LMNTD1: variants seen among roughly 807,000 people sequenced by gnomAD.
LMNTD1 encodes the protein lamin tail domain containing 1.
In LMNTD1, 35 loss-of-function variants were observed where a neutral mutation model predicts 50.9. The observed-to-expected ratio is 0.69, with a 90% confidence interval of 0.53 to 0.91. The LOEUF is 0.91. LMNTD1 is among the 40% of genes least tolerant of loss of function. The pLI, the probability that LMNTD1 is intolerant of heterozygous loss-of-function variation, is 0.00. For missense variants in LMNTD1, 470 were observed against 475.5 expected (o/e 0.99, Z 0.11); for synonymous variants, 153 against 161.9 (o/e 0.94, Z 0.42).
chr12:25,496,687 T>C (rs950302624), intron 9 of LMNTD1, among the ~76,000 whole-genome samples: 3 of 152,330 alleles, frequency 2.0e-5, no homozygotes, highest in Non-Finnish European at 4.4e-5. Context: ...TTTTCTTCCA[T>C]CTTGGAAATA....
intron 9 of LMNTD1, chr12:25,502,919 C>A (rs1246634680): frequency 2.0e-5 from 3 of 152,234 alleles, no homozygotes; most frequent in Non-Finnish European, 1.5e-5. Flanking sequence ...ACCCGGAGAG[C>A]CAGTAGGCTG....
chr12:25,618,010 C>A (rs1946384375), intron 1 of LMNTD1, among the ~76,000 whole-genome samples: 2 of 152,204 alleles, frequency 1.3e-5, no homozygotes, highest in Non-Finnish European at 2.9e-5. Flanking sequence ...GCTCACACAG[C>A]CAGTGTATGC....
intron 8 of LMNTD1, among the ~76,000 whole-genome samples, chr12:25,506,281 G>A (rs10219694): frequency 0.2 from 29,690 of 152,098 alleles, 3,152 homozygotes; most frequent in African/African-American, 0.26. Context: ...AGAAACAAAG[G>A]AGCATCATCA....
intron 1 of LMNTD1, among the ~76,000 whole-genome samples, chr12:25,580,219 A>T (rs1174482132): frequency 6.6e-6 from 1 of 152,120 alleles, no homozygotes; most frequent in Non-Finnish European, 1.5e-5. Context: ...TCTATTTTGT[A>T]GTTTTTCATG....
intron 1 of LMNTD1, chr12:25,630,667 T>C (rs536686114): frequency 4.8e-4 from 73 of 152,318 alleles, no homozygotes; most frequent in African/African-American, 1.8e-3. Flanking sequence ...CCCCTTGAGC[T>C]TGCTGGGTCC....
chr12:25,633,032 G>T, intron 1 of LMNTD1, among the ~76,000 whole-genome samples: 1 of 103,722 alleles, frequency 9.6e-6, no homozygotes, highest in African/African-American at 2.7e-5. Context: ...TCTTATATCA[G>T]AAAAAAAAAA....
At chr12:25,639,572 A>G (rs1278980312) in intron 1 of LMNTD1, among the ~76,000 whole-genome samples, 1 of 152,218 alleles carries the variant, frequency 6.6e-6, no homozygotes, top group African/African-American at 2.4e-5. Flanking sequence ...ATTAATCATT[A>G]GGGGAATGGA....
intron 3 of LMNTD1, 37 bp from the exon 4 acceptor site, chr12:25,546,591 G>A (rs760867946): frequency 7.7e-5 from 98 of 1,279,002 alleles, no homozygotes; most frequent in Non-Finnish European, 9.8e-5. Flanking sequence ...AACCAGGAAA[G>A]AAGTAAATAA....
intron 1 of LMNTD1, among the ~76,000 whole-genome samples, chr12:25,572,275 TA>T (rs1944829688): frequency 6.6e-6 from 1 of 152,204 alleles, no homozygotes; most frequent in Non-Finnish European, 1.5e-5. Flanking sequence ...AAAGGTCCTT[TA>T]GTGCTAAAAA....
intron 2 of LMNTD1, among the ~76,000 whole-genome samples, chr12:25,550,179 A>G (rs1246607883): frequency 6.7e-6 from 1 of 148,610 alleles, no homozygotes. Flanking sequence ...TACTATTTTT[A>G]TAAGTGAATC....
intron 1 of LMNTD1, among the ~76,000 whole-genome samples, chr12:25,567,126 A>T (rs1385667661): frequency 6.6e-6 from 1 of 152,206 alleles, no homozygotes; most frequent in Non-Finnish European, 1.5e-5. Flanking sequence ...TGTGAGAAAG[A>T]TGTGAAAAAC....
Position 25,575,933 on chromosome 12 carries a change from A to T in LMNTD1, c.59-29379T>A, listed in dbSNP as rs149819253. On this transcript the variant is annotated intron_variant, in intron 1 of 7. Coordinates refer to the LMNTD1 transcript ENST00000445693. ...TCAATTCCTACCTATGAGTGAGAAC[A>T]TGGGGTGTTTGGTTTTCTGTCCTTG... Among the ~76,000 whole-genome samples, 20 of 152,258 alleles carry T rather than the reference A, an allele frequency of 1.3e-4. No individual in the cohort carries two copies. The East Asian group carries it at 3.7e-3, about 28-fold the overall frequency.
intron 1 of LMNTD1, among the ~76,000 whole-genome samples, chr12:25,581,725 T>C (rs1448628571): frequency 6.6e-6 from 1 of 152,156 alleles, no homozygotes. Context: ...CATCACAAAG[T>C]GTACTTATGC....
At chr12:25,577,669 C>T (rs917298923) in intron 1 of LMNTD1, among the ~76,000 whole-genome samples, 1 of 152,150 alleles carries the variant, frequency 6.6e-6, no homozygotes, top group African/African-American at 2.4e-5. Context: ...ATTGAATACA[C>T]TTTATTTCTT....
chr12:25,569,817 G>A (rs1265841397), intron 1 of LMNTD1, among the ~76,000 whole-genome samples: 2 of 152,104 alleles, frequency 1.3e-5, no homozygotes, highest in African/African-American at 4.8e-5. Flanking sequence ...GTTCCCTGAG[G>A]CCCTCACCAG....
chr12:25,565,241 G>A (rs1310025316), intron 1 of LMNTD1, among the ~76,000 whole-genome samples: 1 of 150,606 alleles, frequency 6.6e-6, no homozygotes, highest in African/African-American at 2.4e-5. Context: ...TTTTTTTTGT[G>A]GTCTTCTCTT....
chr12:25,638,669 G>A (rs1592129119), intron 1 of LMNTD1, among the ~76,000 whole-genome samples: 1 of 151,960 alleles, frequency 6.6e-6, no homozygotes, highest in East Asian at 1.9e-4. Flanking sequence ...AAAATATTAA[G>A]AAAATTAAAG....
intron 1 of LMNTD1, among the ~76,000 whole-genome samples, chr12:25,627,153 G>A (rs1300706150): frequency 1.3e-5 from 2 of 152,148 alleles, no homozygotes; most frequent in Non-Finnish European, 2.9e-5. Flanking sequence ...ATCTGGCAGC[G>A]TATTCTAGCC....
At chr12:25,481,820 G>C (rs1233419927) in intron 9 of LMNTD1, among the ~76,000 whole-genome samples, 1 of 146,982 alleles carries the variant, frequency 6.8e-6, no homozygotes, top group African/African-American at 2.5e-5. Context: ...TAACTACCTA[G>C]TTTACTTACG....
Sources: allele counts gnomAD v4.1 joint callset (sites outside exome capture counted in the v4.1 genomes callset), GRCh38; gene constraint gnomAD v4.1.1; transcripts MANE v1.5; gene names NCBI Gene and HGNC (gene_info 2026-07-23, HGNC 2026-07-21).